The following TNN variants were observed in gnomAD, a reference collection of about 807,000 sequenced individuals.
TNN encodes the protein tenascin-N.
In TNN, 122 loss-of-function variants were observed where a neutral mutation model predicts 134.4. The observed-to-expected ratio is 0.91, with a 90% CI of 0.78 to 1.06. TNN has a LOEUF of 1.06. TNN is among the 50% of genes least tolerant of loss of function. The pLI, the probability that TNN is intolerant of heterozygous loss-of-function variation, is 0.00. For missense variants in TNN, 1,739 were observed against 1,699.4 expected, an observed-to-expected ratio of 1.02 and a Z score of -0.41; for synonymous variants, 710 against 670.3, an observed-to-expected ratio of 1.06 and a Z score of -0.91.
intron 1 of TNN, among the ~76,000 whole-genome samples, chr1:175,075,266 T>C (rs1213619871): frequency 1.3e-5 from 2 of 152,226 alleles, no homozygotes; most frequent in Non-Finnish European, 2.9e-5. Flanking sequence ...CCTTTTATAA[T>C]CAATATAGTT....
At chr1:175,113,413 TGA>T (rs1675088143) in intron 9 of TNN, among the ~76,000 whole-genome samples, 1 of 152,220 alleles carries the variant, frequency 6.6e-6, no homozygotes, top group Non-Finnish European at 1.5e-5. Flanking sequence ...AGATTTCTGC[TGA>T]GAATTTTGCT....
At chr1:175,137,258 G>C (rs1397280470) in intron 17 of TNN, among the ~76,000 whole-genome samples, 1 of 151,912 alleles carries the variant, frequency 6.6e-6, no homozygotes, top group Non-Finnish European at 1.5e-5. Context: ...TCTTATTCAG[G>C]CTGTTGTACA....
At chr1:175,108,623 C>A (rs576282023) in intron 9 of TNN, among the ~76,000 whole-genome samples, 5 of 152,264 alleles carry the variant, frequency 3.3e-5, no homozygotes, top group Non-Finnish European at 7.3e-5. Flanking sequence ...AGCTAAGGCT[C>A]AGCGAGAAAT....
chr1:175,079,286 A>C (rs1298330067), intron 2 of TNN, 47 bp from the exon 3 acceptor site: 1 of 1,527,544 alleles, frequency 6.5e-7, no homozygotes, highest in Non-Finnish European at 8.7e-7. Flanking sequence ...GGAGATCCCC[A>C]CGCACAACCC....
Position 175,123,631 on chromosome 1 carries a change from A to C in TNN, c.2882A>C (p.Glu961Ala), listed in dbSNP as rs2101840276. The C allele has an allele frequency of 6.2e-7, 1 of 1,614,196 alleles. No individual in the cohort carries two copies. The highest frequency in any genetic ancestry group is 1.1e-5 in the South Asian group (1 of 91,088). Residue 961 changes from glutamate to alanine, a missense_variant, in exon 12 of 19, where the codon GAG becomes GCG. By Grantham distance (107) the Glu-to-Ala change is moderately radical (BLOSUM62 -1). Coordinates refer to ENST00000239462, the MANE Select transcript of TNN (RefSeq NM_022093.2). ...VHVWAQKGAQ[E>A]SKKADTKAQT... ...GTGTGGGCCCAGAAGGGGGCCCAGG[A>C]GAGCAAGAAGGCTGACACCAAGGCC...
chr1:175,069,590 C>T (rs1009237037), intron 1 of TNN, among the ~76,000 whole-genome samples: 11 of 152,178 alleles, frequency 7.2e-5, no homozygotes, highest in Non-Finnish European at 1.3e-4. Context: ...AAACTTTTGT[C>T]CATTCACTGC....
At chr1:175,142,202 T>A (rs1466386598) in intron 17 of TNN, among the ~76,000 whole-genome samples, 1 of 152,212 alleles carries the variant, frequency 6.6e-6, no homozygotes, top group African/African-American at 2.4e-5. Flanking sequence ...GAGACAGACC[T>A]GTCTGCTGTG....
intron 9 of TNN, among the ~76,000 whole-genome samples, chr1:175,108,578 G>T (rs938418476): frequency 2.6e-5 from 4 of 152,254 alleles, no homozygotes; most frequent in Admixed American, 2.0e-4. Context: ...AGGCATGGCG[G>T]GCTGCAGGTC....
At position 175,128,576 on chromosome 1, in the gene TNN, C is replaced by G; in HGVS notation, c.3179-19C>G. 12 of 1,604,294 alleles carry G rather than the reference C, an allele frequency of 7.5e-6. No homozygotes were observed. The highest frequency in any genetic ancestry group is 9.4e-6 in the Non-Finnish European group (11 of 1,174,902). Reference sequence around the variant, plus strand: ...TCCTTGCCCTTGTCCTAACAACACTCTCTCTGCTTGGCTCCCAGTTGGTGC... The same window carrying G: ...TCCTTGCCCTTGTCCTAACAACACTGTCTCTGCTTGGCTCCCAGTTGGTGC... On this transcript the variant is annotated intron_variant, in intron 14 of 18. Coordinates refer to ENST00000239462, the MANE Select transcript of TNN (RefSeq NM_022093.2).
At chr1:175,131,471 G>C (rs1279265381) in intron 15 of TNN, among the ~76,000 whole-genome samples, 1 of 152,106 alleles carries the variant, frequency 6.6e-6, no homozygotes, top group East Asian at 1.9e-4. Context: ...ATTTGGTAAG[G>C]GGGTTTTGTG....
At position 175,145,552 on chromosome 1, in the gene TNN, CAAAAAAA is replaced by C. The variant is rs3028580; in HGVS notation, c.3759+1019_3759+1025del. 6.9e-4 allele frequency among the ~76,000 whole-genome samples: 20 copies of C among 28,912 alleles called. 1 individual carries two copies. In the Admixed American group the frequency reaches 7.2e-3, roughly 10 times the overall value. 19.0% of individuals were successfully genotyped at this position (28,912 alleles called of 152,430 possible). A position where few individuals can be genotyped will look rare whatever the true frequency, so the allele number is the denominator to read the frequency against. ...TGGGTGGCAGAGCAAGACCCTGTCT[CAAAAAAA>C]AAAAAAAAAAAAAAAAGCTGTCTCA... On this transcript the variant is annotated intron_variant, in intron 18 of 18. Coordinates refer to ENST00000239462, the MANE Select transcript of TNN (RefSeq NM_022093.2).
In TNN at chr1:175,105,413, G is replaced by A. The variant is rs1235300304; in HGVS notation, c.2119+6818G>A. Among the ~76,000 whole-genome samples, 9 of 145,506 alleles carry A rather than the reference G, an allele frequency of 6.2e-5. 1 individual carries two copies. The highest frequency in any genetic ancestry group is 1.4e-4 in the Non-Finnish European group (9 of 65,658). On this transcript the variant is annotated intron_variant, in intron 9 of 18. Transcript: ENST00000239462. ...TTTGCTTATTTCCTTCTGGGCAGGG[G>A]AGATTAGAGGAGGAGTATCATCAAT... is the stretch of plus-strand genomic sequence containing the variant.
intron 6 of TNN, among the ~76,000 whole-genome samples, chr1:175,089,134 C>T (rs954445305): frequency 1.3e-5 from 2 of 152,284 alleles, no homozygotes; most frequent in African/African-American, 2.4e-5. Context: ...GGTCAGGAAA[C>T]ACTCTTAAAC....
intron 2 of TNN, among the ~76,000 whole-genome samples, 156 bp from the exon 3 acceptor site, chr1:175,079,177 C>T (rs187743455): frequency 1.1e-4 from 17 of 152,182 alleles, no homozygotes; most frequent in African/African-American, 4.1e-4. Flanking sequence ...TGGAGCTCCA[C>T]CATCCTCCAA....
At chr1:175,120,588 G>C (rs1675325232) in intron 11 of TNN, among the ~76,000 whole-genome samples, 1 of 152,158 alleles carries the variant, frequency 6.6e-6, no homozygotes, top group African/African-American at 2.4e-5. Context: ...TAGCCAGTGG[G>C]AAGAGGCATG....
intron 1 of TNN, among the ~76,000 whole-genome samples, chr1:175,073,729 C>T (rs1261092627): frequency 6.6e-6 from 1 of 152,198 alleles, no homozygotes; most frequent in African/African-American, 2.4e-5. Context: ...GGCACTTTTA[C>T]TTTACTGGGG....
chr1:175,091,245 T>C (rs917593407), intron 6 of TNN, among the ~76,000 whole-genome samples: 6 of 152,176 alleles, frequency 3.9e-5, no homozygotes, highest in Admixed American at 3.3e-4. Flanking sequence ...TGAGTTGCTG[T>C]GGTTAGAGAA....
chr1:175,123,806 G>A, intron 12 of TNN, 143 bp downstream of exon 12: 1 of 1,254,822 alleles, frequency 8.0e-7, no homozygotes, highest in South Asian at 1.5e-5. Context: ...TTACGTCTTT[G>A]AGCTAATTAA....
At chr1:175,072,820 C>A (rs1217980545) in intron 1 of TNN, among the ~76,000 whole-genome samples, 1 of 151,794 alleles carries the variant, frequency 6.6e-6, no homozygotes, top group Non-Finnish European at 1.5e-5. Context: ...ACACCAAGGG[C>A]TCCAACAGGG....
Sources: allele counts gnomAD v4.1 joint callset (sites outside exome capture counted in the v4.1 genomes callset), GRCh38; gene constraint gnomAD v4.1.1; transcripts MANE v1.5; gene names NCBI Gene and HGNC (gene_info 2026-07-23, HGNC 2026-07-21).